The following CDKN2B-AS1 variants were observed in gnomAD, a reference collection of about 807,000 sequenced individuals.
CDKN2B-AS1 encodes the protein CDKN2B and CDKN2A antisense cis and trans regulatory RNA 1.
chr9:22,012,927 T>C (rs1821575589), intron 1 of CDKN2B-AS1, among the ~76,000 whole-genome samples: 1 of 152,210 alleles, frequency 6.6e-6, no homozygotes, highest in Non-Finnish European at 1.5e-5. Context: ...TGTTCATCAT[T>C]TTAGTATCCG....
At chr9:22,045,709 A>G (rs1352695877) in intron 1 of CDKN2B-AS1, among the ~76,000 whole-genome samples, 1 of 152,056 alleles carries the variant, frequency 6.6e-6, no homozygotes, top group Non-Finnish European at 1.5e-5. Flanking sequence ...TAAAGTCTAA[A>G]GTTAACCTTG....
intron 4 of CDKN2B-AS1, among the ~76,000 whole-genome samples, chr9:22,084,095 G>C (rs1477053288): frequency 6.6e-6 from 1 of 152,052 alleles, no homozygotes; most frequent in Non-Finnish European, 1.5e-5. Context: ...CCATTTCATT[G>C]GATTCACACC....
intron 1 of CDKN2B-AS1, among the ~76,000 whole-genome samples, chr9:22,026,297 A>G (rs1163881672): frequency 6.6e-6 from 1 of 151,738 alleles, no homozygotes; most frequent in Non-Finnish European, 1.5e-5. Context: ...GAACACTGGC[A>G]GGTGTGGCTG....
rs530960613 is a variant in CDKN2B-AS1 at position 22,080,019 on chromosome 9, G to A, written n.438+23632G>A. 5.9e-5 allele frequency among the ~76,000 whole-genome samples: 9 copies of A among 152,370 alleles called. No homozygotes were observed. The South Asian group carries it at 1.9e-3, about 32-fold the overall frequency. On this transcript the variant is annotated intron_variant and non_coding_transcript_variant, in intron 4 of 4. Coordinates refer to ENST00000650946, the Ensembl canonical transcript of CDKN2B-AS1. ...GTTCATCAAAGGAGGCCAGACAGGA[G>A]GTGAGAAAAACCAGGTGTGTCCCAC...
chr9:22,078,040 A>C (rs975155794), intron 4 of CDKN2B-AS1: 6 of 152,182 alleles, frequency 3.9e-5, no homozygotes, highest in African/African-American at 1.4e-4. Flanking sequence ...CCAAGCCCTG[A>C]AACTTTTTTT....
At chr9:22,124,133 A>G (rs1485876758) in intron 4 of CDKN2B-AS1, among the ~76,000 whole-genome samples, 3 of 152,150 alleles carry the variant, frequency 2.0e-5, no homozygotes, top group African/African-American at 7.2e-5. Context: ...ATTTGGCAAT[A>G]TATATATATT....
At chr9:22,042,872 A>C (rs1246135271) in intron 1 of CDKN2B-AS1, among the ~76,000 whole-genome samples, 1 of 152,070 alleles carries the variant, frequency 6.6e-6, no homozygotes, top group Non-Finnish European at 1.5e-5. Context: ...CTTCTAATCA[A>C]TTATATCCTT....
intron 4 of CDKN2B-AS1, among the ~76,000 whole-genome samples, chr9:22,087,122 T>A (rs762863035): frequency 1.3e-5 from 2 of 152,232 alleles, no homozygotes; most frequent in Non-Finnish European, 2.9e-5. Flanking sequence ...ACTCCCCTTT[T>A]TCTTGGAAAT....
rs1307053797 is a variant in CDKN2B-AS1, at chr9:22,000,229, AG to A, written n.29+5072del. 6.6e-6 allele frequency among the ~76,000 whole-genome samples: 1 copy of A among 152,156 alleles called. No individual in the cohort carries two copies. The highest frequency in any genetic ancestry group is 1.9e-4 in the East Asian group (1 of 5,198). On this transcript the variant is annotated intron_variant and non_coding_transcript_variant, in intron 1 of 4. Transcript: ENST00000650946. The surrounding 1 kb of genome is among the most constrained non-coding windows in gnomAD (Gnocchi z 4.1). Reference sequence around the variant, plus strand: ...TTGAGAAACAATTTTCTGAAATGGAAGGGGTTTTAAACTTGTTGTCCTCAAA... The same window carrying A: ...TTGAGAAACAATTTTCTGAAATGGAAGGGTTTTAAACTTGTTGTCCTCAAA...
intron 1 of CDKN2B-AS1, among the ~76,000 whole-genome samples, chr9:22,023,881 A>G (rs1412234627): frequency 6.6e-6 from 1 of 152,030 alleles, no homozygotes; most frequent in Admixed American, 6.6e-5. Flanking sequence ...GTTACAACAT[A>G]CTCCTATAAC....
chr9:22,050,531 A>G (rs1823300895), intron 3 of CDKN2B-AS1, among the ~76,000 whole-genome samples: 1 of 152,238 alleles, frequency 6.6e-6, no homozygotes, highest in Non-Finnish European at 1.5e-5. Flanking sequence ...TTAATTGACA[A>G]CAGGAATTGC....
In CDKN2B-AS1 at chr9:22,094,928, C is replaced by T. The variant is rs547480809; in HGVS notation, n.439-32175C>T. ...TTCCAGTTTTTCTGCTCTGTTTTTT[C>T]CCATCTTTGTGGTTTTATCTACCTT... is the stretch of plus-strand genomic sequence containing the variant. On this transcript the variant is annotated intron_variant and non_coding_transcript_variant, in intron 4 of 4. Transcript: ENST00000650946. Among the ~76,000 whole-genome samples the T allele has an allele frequency of 4.9e-5, 7 of 144,248 alleles. No homozygotes were observed. The South Asian group carries it at 1.3e-3, about 26-fold the overall frequency. The allele number at this position is 144,248 out of a possible 152,430, so 94.6% of individuals were successfully genotyped here. A position where few individuals can be genotyped will look rare whatever the true frequency, so the allele number is the denominator to read the frequency against.
chr9:22,044,932 C>T (rs1235899850), intron 1 of CDKN2B-AS1, among the ~76,000 whole-genome samples: 1 of 151,818 alleles, frequency 6.6e-6, no homozygotes, highest in African/African-American at 2.4e-5. Flanking sequence ...TTATAAAGTG[C>T]TAAATGATCT....
chr9:22,009,970 A>T (rs1040993448), intron 1 of CDKN2B-AS1, among the ~76,000 whole-genome samples: 1 of 151,150 alleles, frequency 6.6e-6, no homozygotes, highest in African/African-American at 2.5e-5. Context: ...TGAGAGTGGC[A>T]ACCTGGCACA....
chr9:22,111,114 TA>T (rs1825794247), intron 4 of CDKN2B-AS1, among the ~76,000 whole-genome samples: 2 of 152,310 alleles, frequency 1.3e-5, no homozygotes, highest in East Asian at 1.9e-4. Context: ...TTATTTATTT[TA>T]TTTTTTTGCT....
chr9:22,012,222 T>C (rs564069237), intron 1 of CDKN2B-AS1: 48 of 1,412,284 alleles, frequency 3.4e-5, no homozygotes, highest in Admixed American at 2.4e-4. Flanking sequence ...AGTGACACCA[T>C]TGAGAATGTC....
intron 4 of CDKN2B-AS1, among the ~76,000 whole-genome samples, chr9:22,094,111 A>C (rs1825191037): frequency 1.4e-5 from 2 of 144,260 alleles, no homozygotes. Flanking sequence ...TTCTGGGTTG[A>C]AAATTCTTTT....
In CDKN2B-AS1 at chr9:22,099,115, G is replaced by C. The variant is rs72652458; in HGVS notation, n.439-27988G>C. 3.2e-3 allele frequency among the ~76,000 whole-genome samples: 485 copies of C among 152,260 alleles called. 1 individual carries two copies. The highest frequency in any genetic ancestry group is 4.8e-3 in the Non-Finnish European group (326 of 68,020). On this transcript the variant is annotated intron_variant and non_coding_transcript_variant, in intron 4 of 4. Coordinates refer to ENST00000650946, the Ensembl canonical transcript of CDKN2B-AS1. ...CAGAGATGAGTCTTGAAGGACAAAT[G>C]GTATTTAGCCAGGAGGAAAGGGGGT...
intron 1 of CDKN2B-AS1, among the ~76,000 whole-genome samples, chr9:22,042,488 C>T (rs894824635): frequency 1.3e-5 from 2 of 152,052 alleles, no homozygotes; most frequent in African/African-American, 2.4e-5. Flanking sequence ...TGCATTGCAA[C>T]AGATAAAATT....
Sources: allele counts gnomAD v4.1 joint callset (sites outside exome capture counted in the v4.1 genomes callset), GRCh38; gene constraint gnomAD v4.1.1; non-coding constraint Gnocchi (gnomAD v3.1); transcripts MANE v1.5; gene names NCBI Gene and HGNC (gene_info 2026-07-23, HGNC 2026-07-21).